The following INPP4B variants were observed in gnomAD, a reference collection of about 807,000 sequenced individuals.
The protein encoded by INPP4B is inositol polyphosphate 4-phosphatase type II.
A neutral mutation model predicts 122.5 loss-of-function variants in INPP4B; 55 were observed. The observed-to-expected ratio is 0.45, with a 90% CI of 0.36 to 0.56. The LOEUF is 0.56. INPP4B is among the 20% of genes least tolerant of loss of function. The pLI, the probability that INPP4B is intolerant of heterozygous loss-of-function variation, is 0.00. For synonymous variants in INPP4B, 403 were observed against 388.7 expected, an observed-to-expected ratio of 1.04 and a Z score of -0.43; for missense variants, 1,000 against 1,097.7, an observed-to-expected ratio of 0.91 and a Z score of 1.26.
intron 15 of INPP4B, among the ~76,000 whole-genome samples, chr4:142,191,811 C>A (rs1304296008): frequency 2.6e-5 from 4 of 151,478 alleles, no homozygotes; most frequent in African/African-American, 7.3e-5. Flanking sequence ...CAAAAATGAA[C>A]AAAAAACTAG....
At chr4:142,676,439 C>T (rs1421455805) in intron 2 of INPP4B, among the ~76,000 whole-genome samples, 2 of 152,230 alleles carry the variant, frequency 1.3e-5, no homozygotes, top group Admixed American at 1.3e-4. Flanking sequence ...AGAGCGAATA[C>T]TATCCCCAAC....
At chr4:142,710,050 T>TC (rs1171254128) in intron 2 of INPP4B, among the ~76,000 whole-genome samples, 1 of 152,220 alleles carries the variant, frequency 6.6e-6, no homozygotes, top group African/African-American at 2.4e-5. Flanking sequence ...TCAAGAAGGA[T>TC]CCATTCCAGA....
chr4:142,032,191 G>C (rs2152277964), intron 25 of INPP4B, among the ~76,000 whole-genome samples: 1 of 152,182 alleles, frequency 6.6e-6, no homozygotes. Flanking sequence ...GAAAGTTTAG[G>C]CTGGAGGACA....
intron 2 of INPP4B, among the ~76,000 whole-genome samples, chr4:142,712,586 G>A (rs76344745): frequency 0.065 from 9,803 of 151,514 alleles, 477 homozygotes; most frequent in African/African-American, 0.13. Context: ...ATTGTATATC[G>A]AAAGAAAAAA....
chr4:142,637,453 A>G (rs1018876111), intron 2 of INPP4B, among the ~76,000 whole-genome samples: 1 of 152,134 alleles, frequency 6.6e-6, no homozygotes, highest in Non-Finnish European at 1.5e-5. Flanking sequence ...TAACGTTTGT[A>G]GCCCTTTTAG....
At chr4:142,623,835 T>G (rs1745578814) in intron 2 of INPP4B, among the ~76,000 whole-genome samples, 1 of 151,890 alleles carries the variant, frequency 6.6e-6, no homozygotes, top group South Asian at 2.1e-4. Context: ...TTTTTGTCCT[T>G]GCGATAGTTT....
chr4:142,309,709 G>A (rs566935808), intron 8 of INPP4B, among the ~76,000 whole-genome samples: 2 of 152,164 alleles, frequency 1.3e-5, no homozygotes, highest in African/African-American at 4.8e-5. Context: ...ACGACATGCA[G>A]CTCTAGCCTT....
intron 12 of INPP4B, among the ~76,000 whole-genome samples, chr4:142,226,524 G>C (rs1279811155): frequency 6.6e-6 from 1 of 152,154 alleles, no homozygotes; most frequent in Non-Finnish European, 1.5e-5. Context: ...CTTCCTAAAA[G>C]ATAATTCCAA....
chr4:142,762,863 C>T (rs573582902), intron 1 of INPP4B, among the ~76,000 whole-genome samples: 1 of 152,202 alleles, frequency 6.6e-6, no homozygotes, highest in East Asian at 1.9e-4. Flanking sequence ...GAGGTGATTA[C>T]ATCATGAGAG....
chr4:142,747,263 T>C (rs188672711), intron 1 of INPP4B, among the ~76,000 whole-genome samples: 1 of 151,804 alleles, frequency 6.6e-6, no homozygotes, highest in African/African-American at 2.4e-5. Flanking sequence ...CCAACAAACA[T>C]GAAAAAAAGC....
chr4:142,760,244 T>G (rs1771128885), intron 1 of INPP4B, among the ~76,000 whole-genome samples: 1 of 152,156 alleles, frequency 6.6e-6, no homozygotes, highest in Non-Finnish European at 1.5e-5. Context: ...AATGCTATTC[T>G]TATGCCATCA....
chr4:142,586,206 G>T (rs1736167256), intron 2 of INPP4B, among the ~76,000 whole-genome samples: 1 of 152,032 alleles, frequency 6.6e-6, no homozygotes, highest in African/African-American at 2.4e-5. Context: ...CATCTACTCA[G>T]GAGGCTAATG....
intron 2 of INPP4B, among the ~76,000 whole-genome samples, chr4:142,528,839 A>G (rs556318216): frequency 6.6e-6 from 1 of 152,256 alleles, no homozygotes; most frequent in East Asian, 1.9e-4. Context: ...GTATTTGCAG[A>G]TATGTGCAGA....
At chr4:142,287,848 TA>T (rs914217575) in intron 9 of INPP4B, among the ~76,000 whole-genome samples, 133 of 152,220 alleles carry the variant, frequency 8.7e-4, no homozygotes, top group African/African-American at 3.0e-3. Context: ...CTGAAGAACT[TA>T]AAAAAACAGA....
At chr4:142,638,653 C>T (rs1213905413) in intron 2 of INPP4B, among the ~76,000 whole-genome samples, 1 of 151,426 alleles carries the variant, frequency 6.6e-6, no homozygotes, top group Non-Finnish European at 1.5e-5. Flanking sequence ...ACGCCATTCT[C>T]CCACCTCAGC....
At chr4:142,367,512 G>A (rs76865351) in intron 7 of INPP4B, among the ~76,000 whole-genome samples, 3,396 of 152,124 alleles carry the variant, frequency 0.022, 125 homozygotes, top group African/African-American at 0.078. Context: ...TCTAGAGGGT[G>A]CTATTCCTGT....
At chr4:142,283,696 C>A (rs77783914) in intron 9 of INPP4B, among the ~76,000 whole-genome samples, 4,377 of 152,162 alleles carry the variant, frequency 0.029, 198 homozygotes, top group African/African-American at 0.1. Context: ...GTGTTATAAT[C>A]TTATGGAACC....
At position 142,023,815 on chromosome 4, in the gene INPP4B, A is replaced by G. The variant is rs2152238526; in HGVS notation, c.*4967T>C. On this transcript the variant is annotated 3_prime_UTR_variant, in exon 26 of 26. Transcript: ENST00000262992. ...TTTATCAGGCAACATCACTTGTATT[A>G]GGTCTTCCTTCCCTTGGTACTCACT... 1 of 152,242 alleles carries G rather than the reference A, an allele frequency of 6.6e-6. No individual in the cohort carries two copies. The highest frequency in any genetic ancestry group is 1.9e-4 in the East Asian group (1 of 5,188). The allele number at this position is 152,242 out of a possible 1,614,324, so 9.4% of individuals were successfully genotyped here. A position where few individuals can be genotyped will look rare whatever the true frequency, so the allele number is the denominator to read the frequency against.
intron 7 of INPP4B, among the ~76,000 whole-genome samples, chr4:142,384,554 GT>G (rs1795296659): frequency 6.6e-6 from 1 of 151,720 alleles, no homozygotes; most frequent in Non-Finnish European, 1.5e-5. Context: ...TACACTTACA[GT>G]ACTAGAGTCT....
Sources: allele counts gnomAD v4.1 joint callset (sites outside exome capture counted in the v4.1 genomes callset), GRCh38; gene constraint gnomAD v4.1.1; transcripts MANE v1.5; gene names NCBI Gene and HGNC (gene_info 2026-07-23, HGNC 2026-07-21).